PRKAB1: variants seen among roughly 807,000 people sequenced by gnomAD.
The protein encoded by PRKAB1 is protein kinase AMP-activated non-catalytic subunit beta 1.
Under a neutral mutation model 32.0 loss-of-function variants are expected in PRKAB1, and 18 were observed. That is an observed-to-expected ratio of 0.56 (90% CI 0.39 to 0.83). PRKAB1 has a LOEUF of 0.83. Ranked by LOEUF, PRKAB1 falls within the 40% of genes least tolerant of loss-of-function variation. The pLI is 0.00. For synonymous variants in PRKAB1, 141 were observed against 141.4 expected (o/e 1.00, Z 0.02); for missense variants, 263 against 352.6 (o/e 0.75, Z 2.03).
At chr12:119,675,121 A>G (rs1156438278) in intron 4 of PRKAB1, among the ~76,000 whole-genome samples, 1 of 152,236 alleles carries the variant, frequency 6.6e-6, no homozygotes, top group Non-Finnish European at 1.5e-5. Context: ...GTTCGGGGGA[A>G]GAGGGTTGCG....
chr12:119,672,613 A>ATG (rs1349417610), intron 2 of PRKAB1, 149 bp downstream of exon 2: 13 of 823,118 alleles, frequency 1.6e-5, no homozygotes, highest in Non-Finnish European at 2.3e-5. Context: ...TAAGGTTCAA[A>ATG]TGTTAAACCT....
At chr12:119,676,513 A>G in intron 4 of PRKAB1, 24 bp from the exon 5 acceptor site, 1 of 1,576,206 alleles carries the variant, frequency 6.3e-7, no homozygotes, top group Non-Finnish European at 8.7e-7. Context: ...TTCAAAGTAA[A>G]GTCCTGTTAC....
chr12:119,680,082 G>A (rs982451886), intron 6 of PRKAB1, 81 bp downstream of exon 6: 3 of 1,535,520 alleles, frequency 2.0e-6, no homozygotes, highest in Non-Finnish European at 2.7e-6. Context: ...TGACCTGGCG[G>A]GACTGACTTA....
chr12:119,674,052 TC>T lies in PRKAB1; in HGVS notation c.414del (p.Glu139SerfsTer3), dbSNP rs757038497. 1 of 1,613,138 alleles carries T rather than the reference TC, an allele frequency of 6.2e-7. No homozygotes were observed. The highest frequency in any genetic ancestry group is 8.5e-7 in the Non-Finnish European group (1 of 1,179,362). On this transcript the variant is annotated frameshift_variant, in exon 3 of 7. Coordinates refer to ENST00000229328, the MANE Select transcript of PRKAB1 (RefSeq NM_006253.5). LOFTEE classifies it high-confidence loss of function. This position sits in a 1 kb window ranked among gnomAD's most constrained non-coding sequence, Gnocchi z 4.3. ...GGATGGTCAGTGGACGCACGACCCT[TC>T]CGAGGTACTCTTCCTCCCACCTCTG... ...FVDGQWTHDP[S>X]EPIVTSQLGT...
intron 6 of PRKAB1, 38 bp from the exon 7 acceptor site, chr12:119,680,208 CCT>C (rs1459442928): frequency 1.3e-6 from 2 of 1,589,214 alleles, no homozygotes; most frequent in African/African-American, 1.3e-5. Context: ...GGCTTGAGCC[CCT>C]TAGTCCAGCC....
Position 119,679,861 on chromosome 12 carries a change from C to T in PRKAB1, c.667-72C>T. On this transcript the variant is annotated intron_variant, in intron 5 of 6. Transcript: ENST00000229328. This position sits in a 1 kb window ranked among gnomAD's most constrained non-coding sequence, Gnocchi z 4.1. ...CTGCCTCCTGTCCTTTGATATCTGGCACTGGGAAGTAAAGGGGAGAATCTT... is the reference window on the plus strand; with the variant it reads ...CTGCCTCCTGTCCTTTGATATCTGGTACTGGGAAGTAAAGGGGAGAATCTT... 1 of 1,490,058 alleles carries T rather than the reference C, an allele frequency of 6.7e-7. No individual in the cohort carries two copies. The highest frequency in any genetic ancestry group is 1.7e-4 in the Middle Eastern group (1 of 5,826). 92.3% of individuals were successfully genotyped at this position (1,490,058 alleles called of 1,614,324 possible).
chr12:119,673,970 T>C lies in PRKAB1; in HGVS notation c.330T>C (p.Asn110=), dbSNP rs1448716897. 1 of 1,612,866 alleles carries C rather than the reference T, an allele frequency of 6.2e-7. No individual in the cohort carries two copies. The highest frequency in any genetic ancestry group is 1.7e-5 in the Admixed American group (1 of 59,730). The change falls in exon 3 of 7, where the codon AAT becomes AAC. Residue 110 remains asparagine, a synonymous_variant. Transcript: ENST00000229328. ...WSKLPLTRSH[N]NFVAILDLPE... is the part of the protein sequence containing the mutation. The stretch of plus-strand genomic sequence containing the variant: ...GCTTCCTTTTTCCTTGCAGCCACAA[T>C]AACTTTGTAGCCATCCTGGATCTGC...
In PRKAB1 at chr12:119,675,846, G is replaced by A. The variant is rs539125751; in HGVS notation, c.533-691G>A. Among the ~76,000 whole-genome samples, 10 of 152,292 alleles carry A rather than the reference G, an allele frequency of 6.6e-5. 1 individual carries two copies. The East Asian group carries it at 1.4e-3, about 21-fold the overall frequency. ...TCTGGCGACCAGAACCATCCCACGC[G>A]TTCTTTGGATGATGGCTTGGTACCT... is the stretch of plus-strand genomic sequence containing the variant. On this transcript the variant is annotated intron_variant, in intron 4 of 6. Coordinates refer to ENST00000229328, the MANE Select transcript of PRKAB1 (RefSeq NM_006253.5).
intron 6 of PRKAB1, 68 bp downstream of exon 6, chr12:119,680,069 G>A (rs1955452758): frequency 1.3e-6 from 2 of 1,553,880 alleles, no homozygotes; most frequent in Middle Eastern, 3.4e-4. Flanking sequence ...CCCAGCAGTG[G>A]AATGACCTGG....
chr12:119,670,576 G>C (rs970453093), intron 1 of PRKAB1, among the ~76,000 whole-genome samples: 2 of 152,172 alleles, frequency 1.3e-5, no homozygotes, highest in Non-Finnish European at 2.9e-5. Context: ...TCCCAAGAAG[G>C]CTATTTAAGA....
At chr12:119,672,816 T>C (rs1955397530) in intron 2 of PRKAB1, among the ~76,000 whole-genome samples, 1 of 152,230 alleles carries the variant, frequency 6.6e-6, no homozygotes, top group Non-Finnish European at 1.5e-5. Context: ...GGCCATGCTG[T>C]CAGTCACCTA....
intron 2 of PRKAB1, among the ~76,000 whole-genome samples, chr12:119,673,091 A>G (rs536034234): frequency 1.3e-4 from 20 of 152,228 alleles, no homozygotes; most frequent in African/African-American, 4.6e-4. Flanking sequence ...TTAGCTGGAC[A>G]TGGTGGTGCA....
rs1489952004 is a variant in PRKAB1 at position 119,680,504 on chromosome 12, C to T, written c.*179C>T. The T allele has an allele frequency of 4.7e-6, 3 of 643,186 alleles. No homozygotes were observed. The highest frequency in any genetic ancestry group is 2.8e-5 in the East Asian group (1 of 36,196). The allele number at this position is 643,186 out of a possible 1,614,324, so 39.8% of individuals were successfully genotyped here. ...AGGCAGAGCAGCTCCTGCAGCGCCT[C>T]GGTCTGTGACAGTCCTCCTAGCACC... On this transcript the variant is annotated 3_prime_UTR_variant, in exon 7 of 7. Transcript: ENST00000229328.
At position 119,679,927 on chromosome 12, in the gene PRKAB1, TCA is replaced by T. The variant is rs145319481; in HGVS notation, c.667-3_667-2del. 572 of 1,613,988 alleles carry T rather than the reference TCA, an allele frequency of 3.5e-4. 8 individuals carry two copies. The East Asian group carries it at 6.7e-3, about 19-fold the overall frequency. On this transcript the variant is annotated splice_region_variant and splice_polypyrimidine_tract_variant and intron_variant, in intron 5 of 6. Coordinates refer to ENST00000229328, the MANE Select transcript of PRKAB1 (RefSeq NM_006253.5). This position sits in a 1 kb window ranked among gnomAD's most constrained non-coding sequence, Gnocchi z 4.1. ...AATGCTCACCGCTGCCTTTGTTCCC[TCA>T]CAGTGTGATCCAGCTTTGCTTCCTG...
rs959354498 is a variant in PRKAB1 at position 119,680,446 on chromosome 12, A to G, written c.*121A>G. ...TTTCACACTCTTCAGAAGACATTTC[A>G]TACCTGCCCTGGTCCTGCTTGAAGG... On this transcript the variant is annotated 3_prime_UTR_variant, in exon 7 of 7. Transcript: ENST00000229328. 1.9e-6 allele frequency: 2 copies of G among 1,025,954 alleles called. No individual in the cohort carries two copies. The highest frequency in any genetic ancestry group is 2.9e-6 in the Non-Finnish European group (2 of 686,252). The allele number at this position is 1,025,954 out of a possible 1,614,324, so 63.6% of individuals were successfully genotyped here.
chr12:119,676,149 A>G (rs1232712069), intron 4 of PRKAB1, among the ~76,000 whole-genome samples: 1 of 152,096 alleles, frequency 6.6e-6, no homozygotes, highest in East Asian at 1.9e-4. Context: ...ACTTGGACTT[A>G]GCTACTCAAT....
At chr12:119,668,109 AG>A, upstream of PRKAB1, 3 of 1,117,810 alleles carry the variant, frequency 2.7e-6, no homozygotes, top group Non-Finnish European at 3.6e-6. Context: ...TCCCGGCCCG[AG>A]GGGCGTGGTG....
intron 1 of PRKAB1, chr12:119,670,043 T>C (rs540174486): frequency 6.6e-6 from 1 of 152,342 alleles, no homozygotes; most frequent in African/African-American, 2.4e-5. Context: ...AACATTTTTC[T>C]TCCTGCTGCA....
At chr12:119,673,834 A>C in intron 2 of PRKAB1, 130 bp from the exon 3 acceptor site, 3 of 707,742 alleles carry the variant, frequency 4.2e-6, no homozygotes, top group Non-Finnish European at 7.1e-6. Flanking sequence ...AAATGGGCTA[A>C]AAATGTTTGT....
Sources: gnomAD v4.1 joint callset for allele counts (sites outside exome capture counted in the v4.1 genomes callset) on GRCh38, gnomAD v4.1.1 for gene constraint, Gnocchi (gnomAD v3.1) non-coding constraint, MANE v1.5 for transcripts, NCBI Gene and HGNC (gene_info 2026-07-23, HGNC 2026-07-21) for gene names.